Variants in TNS3 observed in about 807,000 individuals in gnomAD.
TNS3 encodes the protein tensin-3.
In TNS3, 45 loss-of-function variants were observed where a neutral mutation model predicts 140.9. The observed-to-expected ratio is 0.32, with a 90% CI of 0.25 to 0.41. The LOEUF (loss-of-function observed/expected upper bound fraction) is 0.41. Among genes scored for constraint, TNS3 ranks in the 10% least tolerant of loss-of-function variants. TNS3 has a pLI of 1.00. For missense variants in TNS3, 1,716 were observed against 1,906.7 expected (o/e 0.90, Z 1.86); for synonymous variants, 815 against 788.4 (o/e 1.03, Z -0.56).
At chr7:47,567,030 CAAAAAAAA>C (rs541987899) in intron 1 of TNS3, among the ~76,000 whole-genome samples, 8 of 98,746 alleles carry the variant, frequency 8.1e-5, no homozygotes, top group Admixed American at 1.1e-4. Flanking sequence ...GACTCCATCT[CAAAAAAAA>C]AAAAAAAAAA....
chr7:47,480,399 G>A (rs1222828640), intron 4 of TNS3, among the ~76,000 whole-genome samples: 1 of 152,130 alleles, frequency 6.6e-6, no homozygotes, highest in African/African-American at 2.4e-5. Flanking sequence ...CCAGGGAGTC[G>A]CTTCTGACTT....
intron 15 of TNS3, among the ~76,000 whole-genome samples, chr7:47,398,211 C>G (rs1418725472): frequency 2.0e-5 from 3 of 152,144 alleles, no homozygotes; most frequent in Non-Finnish European, 4.4e-5. Flanking sequence ...GATGGATTCA[C>G]AGCTGAATTC....
intron 20 of TNS3, among the ~76,000 whole-genome samples, chr7:47,325,604 C>T (rs1056138146): frequency 2.6e-5 from 4 of 152,160 alleles, no homozygotes; most frequent in Admixed American, 2.0e-4. Flanking sequence ...TGACGGGGAC[C>T]TTCTGGTCCC....
At chr7:47,305,938 T>A (rs1334760265) in intron 20 of TNS3, among the ~76,000 whole-genome samples, 2 of 152,230 alleles carry the variant, frequency 1.3e-5, no homozygotes, top group South Asian at 2.1e-4. Flanking sequence ...TATTATTCAT[T>A]TCCTGGAGAG....
chr7:47,478,411 TAC>T (rs10531755), intron 4 of TNS3, among the ~76,000 whole-genome samples: 127,816 of 148,890 alleles, frequency 0.86, 55,998 homozygotes, highest in East Asian at 0.99. Context: ...CTCAGGGAAA[TAC>T]ACACACACAC....
Position 47,369,546 on chromosome 7 carries a change from A to T in TNS3, c.1100T>A (p.Ile367Asn). The T allele has an allele frequency of 6.2e-7, 1 of 1,613,106 alleles. No individual in the cohort carries two copies. Among genetic ancestry groups the T allele is most frequent in the Non-Finnish European group, 8.5e-7 (1 of 1,179,468 alleles). Residue 367 changes from isoleucine (I) to asparagine (N), a missense_variant, in exon 17 of 31, where the codon ATC becomes AAC. Ile to Asn is a moderately radical substitution (Grantham distance 149). Around this residue, in one of 3 missense-constraint regions of TNS3, gnomAD observed 1,163 missense variants for 1,182.1 expected, o/e 0.98. Transcript: ENST00000311160. The part of the protein sequence containing the change: ...VRKKSSSDPG[I>N]PGGPQAIPAT... Reference sequence around the variant, plus strand: ...CGGGATTGCCTGGGGGCCACCTGGGATGCCAGGATCCGAGGAGCTTTTCTT... The same window carrying T: ...CGGGATTGCCTGGGGGCCACCTGGGTTGCCAGGATCCGAGGAGCTTTTCTT...
At chr7:47,401,492 G>A (rs892536496) in intron 13 of TNS3, among the ~76,000 whole-genome samples, 2 of 152,152 alleles carry the variant, frequency 1.3e-5, no homozygotes, top group Non-Finnish European at 2.9e-5. Context: ...AGACAGAGAG[G>A]GTGTTGGCAT....
At chr7:47,292,071 CT>C in intron 26 of TNS3, 39 bp from the exon 27 acceptor site, 1 of 1,595,678 alleles carries the variant, frequency 6.3e-7, no homozygotes, top group African/African-American at 1.3e-5. Flanking sequence ...ATGAGTCCTG[CT>C]CCTGACCAAG....
chr7:47,311,511 A>G (rs1787102878), intron 20 of TNS3, among the ~76,000 whole-genome samples: 2 of 152,188 alleles, frequency 1.3e-5, no homozygotes, highest in South Asian at 4.1e-4. Context: ...TCAAAACAAA[A>G]TAAATGAAAT....
intron 17 of TNS3, 52 bp downstream of exon 17, chr7:47,368,313 G>GCCTCCCGTGGAGCA (rs869256968): frequency 1.1e-4 from 157 of 1,418,294 alleles, no homozygotes; most frequent in Middle Eastern, 2.6e-4. Flanking sequence ...TCACACATTA[G>GCCTCCCGTGGAGCA]CCTCCCGTGG....
intron 4 of TNS3, among the ~76,000 whole-genome samples, chr7:47,463,906 A>T (rs976731347): frequency 1.3e-5 from 2 of 152,200 alleles, no homozygotes; most frequent in Admixed American, 1.3e-4. Flanking sequence ...TTTAATCTTC[A>T]AATTTGTAGA....
intron 4 of TNS3, chr7:47,470,673 G>A: frequency 4.1e-6 from 4 of 985,042 alleles, no homozygotes; most frequent in Non-Finnish European, 1.2e-6. Context: ...CAGGGCTGAT[G>A]GGAATCCAGT....
chr7:47,574,440 G>A (rs1040919147), intron 1 of TNS3, among the ~76,000 whole-genome samples: 1 of 151,842 alleles, frequency 6.6e-6, no homozygotes, highest in African/African-American at 2.4e-5. Context: ...AGCACCCTAT[G>A]TCTCAACTGC....
chr7:47,537,371 C>A (rs898257897), intron 1 of TNS3, among the ~76,000 whole-genome samples: 3 of 152,140 alleles, frequency 2.0e-5, no homozygotes, highest in African/African-American at 7.2e-5. Flanking sequence ...CACGGTCCCG[C>A]ACGGCGTCCC....
chr7:47,498,386 C>G (rs1192522829), intron 3 of TNS3, among the ~76,000 whole-genome samples: 2 of 152,204 alleles, frequency 1.3e-5, no homozygotes, highest in Non-Finnish European at 2.9e-5. Flanking sequence ...CCGGCTGCAC[C>G]TTCTAGCCTC....
Position 47,358,224 on chromosome 7 carries a change from G to A in TNS3, c.2281+10141C>T, listed in dbSNP as rs145134070. 2.8e-4 allele frequency among the ~76,000 whole-genome samples: 42 copies of A among 151,878 alleles called. No individual in the cohort carries two copies. In the East Asian group the frequency reaches 8.1e-3, roughly 29 times the overall value. The stretch of plus-strand genomic sequence containing the variant: ...ATGATCTTGGCTCACTGAAACCTCT[G>A]TCTCCCCAGTTCCAGTGATTCTCCT... On this transcript the variant is annotated intron_variant, in intron 17 of 30. Coordinates refer to ENST00000311160, the MANE Select transcript of TNS3 (RefSeq NM_022748.12).
intron 8 of TNS3, among the ~76,000 whole-genome samples, chr7:47,429,877 T>A (rs1175707111): frequency 2.6e-5 from 4 of 152,230 alleles, no homozygotes; most frequent in Non-Finnish European, 5.9e-5. Context: ...GTCAAGAGCA[T>A]GCCTTATAGA....
chr7:47,336,947 T>C (rs540082156), intron 20 of TNS3, among the ~76,000 whole-genome samples: 16 of 152,262 alleles, frequency 1.1e-4, no homozygotes, highest in Admixed American at 7.8e-4. Flanking sequence ...GGCCTCAACA[T>C]TGGCCTTCCA....
intron 8 of TNS3, among the ~76,000 whole-genome samples, chr7:47,434,882 AT>A (rs1283951351): frequency 2.0e-5 from 3 of 152,254 alleles, no homozygotes; most frequent in Non-Finnish European, 2.9e-5. Context: ...CCATCAACTG[AT>A]TACCATAACT....
Sources: gnomAD v4.1 joint callset for allele counts (sites outside exome capture counted in the v4.1 genomes callset) on GRCh38, gnomAD v4.1.1 for gene constraint, gnomAD v4.1.1 regional missense constraint, MANE v1.5 for transcripts, NCBI Gene and HGNC (gene_info 2026-07-23, HGNC 2026-07-21) for gene names.